Variants in PDE10A observed in about 807,000 individuals in gnomAD.
The protein encoded by PDE10A is phosphodiesterase 10A, also known as cAMP and cAMP-inhibited cGMP 3',5'-cyclic phosphodiesterase 10A.
Under a neutral mutation model 97.7 loss-of-function variants are expected in PDE10A, and 39 were observed. The ratio of observed to expected loss-of-function variants is 0.40; its 90% CI spans 0.31 to 0.52. The LOEUF (loss-of-function observed/expected upper bound fraction) is 0.52. Ranked by LOEUF, PDE10A falls within the 20% of genes least tolerant of loss-of-function variation. The pLI, the probability that PDE10A is intolerant of heterozygous loss-of-function variation, is 0.56. For synonymous variants in PDE10A, 371 were observed against 376.8 expected (o/e 0.98, Z 0.18); for missense variants, 731 against 1,047.8 (o/e 0.70, Z 4.17).
At chr6:165,772,557 C>A (rs1442416963) in intron 1 of PDE10A, among the ~76,000 whole-genome samples, 1 of 152,210 alleles carries the variant, frequency 6.6e-6, no homozygotes, top group Admixed American at 6.5e-5. Context: ...GCCAGTTGCC[C>A]AACCTGGGCT....
At chr6:165,923,189 C>T (rs976198782) in intron 1 of PDE10A, among the ~76,000 whole-genome samples, 1 of 152,214 alleles carries the variant, frequency 6.6e-6, no homozygotes, top group African/African-American at 2.4e-5. Flanking sequence ...CACGATGTGT[C>T]TTTTTACATG....
chr6:165,963,457 C>T (rs1308473355), intron 1 of PDE10A, among the ~76,000 whole-genome samples: 2 of 152,182 alleles, frequency 1.3e-5, no homozygotes, highest in Admixed American at 1.3e-4. Flanking sequence ...GGAGGGAATG[C>T]CTGCTGTGCG....
chr6:165,664,477 G>A (rs1790445897), upstream of PDE10A, among the ~76,000 whole-genome samples: 2 of 152,216 alleles, frequency 1.3e-5, no homozygotes, highest in African/African-American at 4.8e-5. Context: ...TTGCCGGGCA[G>A]ATTCTGAGTG....
chr6:165,743,428 G>A (rs1440080026), intron 1 of PDE10A, among the ~76,000 whole-genome samples: 2 of 152,016 alleles, frequency 1.3e-5, no homozygotes, highest in East Asian at 1.9e-4. Flanking sequence ...TTTTAATGTC[G>A]AAAAACTTTG....
intron 1 of PDE10A, among the ~76,000 whole-genome samples, chr6:165,791,633 G>A (rs1048539819): frequency 1.3e-5 from 2 of 152,152 alleles, no homozygotes; most frequent in African/African-American, 2.4e-5. Flanking sequence ...TAGGAGACAC[G>A]GCTCGTTTCT....
At chr6:165,370,516 C>T (rs1434227121) in intron 18 of PDE10A, among the ~76,000 whole-genome samples, 1 of 148,740 alleles carries the variant, frequency 6.7e-6, no homozygotes, top group African/African-American at 2.5e-5. Context: ...ATCAATTCAA[C>T]AAGAAGAGCT....
intron 1 of PDE10A, among the ~76,000 whole-genome samples, chr6:165,798,003 TA>T (rs961115686): frequency 1.3e-5 from 2 of 152,240 alleles, no homozygotes; most frequent in African/African-American, 4.8e-5. Flanking sequence ...TAAAGGTTTA[TA>T]AAGTTAGTAA....
At chr6:165,749,051 A>T (rs375484561) in intron 1 of PDE10A, among the ~76,000 whole-genome samples, 52 of 152,154 alleles carry the variant, frequency 3.4e-4, no homozygotes, top group African/African-American at 1.3e-3. Context: ...CTAATCTCTC[A>T]TCTCTTTTAG....
At chr6:165,361,904 T>G (rs2128193438) in intron 18 of PDE10A, among the ~76,000 whole-genome samples, 1 of 152,318 alleles carries the variant, frequency 6.6e-6, no homozygotes, top group African/African-American at 2.4e-5. Context: ...TGTGGTATAC[T>G]TTGTTAACAG....
rs372940750 is a variant in PDE10A at position 165,651,441 on chromosome 6, G to C, written c.865+10506C>G. 1.0e-3 allele frequency among the ~76,000 whole-genome samples: 159 copies of C among 152,282 alleles called. 1 individual carries two copies. The highest frequency in any genetic ancestry group is 3.8e-3 in the African/African-American group (156 of 41,562). ...CTATGCTGTGATAGGAGCTTTAAGTGTTTTCTCTAGGGCCACAATTCAAGA... is the reference window on the plus strand; with the variant it reads ...CTATGCTGTGATAGGAGCTTTAAGTCTTTTCTCTAGGGCCACAATTCAAGA... On this transcript the variant is annotated intron_variant, in intron 1 of 21. Coordinates refer to ENST00000539869, the MANE Select transcript of PDE10A (RefSeq NM_001385079.1).
intron 12 of PDE10A, among the ~76,000 whole-genome samples, chr6:165,415,936 C>T (rs1029460791): frequency 3.9e-5 from 6 of 152,168 alleles, no homozygotes; most frequent in African/African-American, 7.2e-5. Context: ...TTAAAACTAC[C>T]GCCTATCAGT....
intron 1 of PDE10A, chr6:165,940,733 C>G (rs1783491423): frequency 6.6e-6 from 1 of 152,248 alleles, no homozygotes; most frequent in South Asian, 2.1e-4. Flanking sequence ...CCTGCGCCTT[C>G]CAGCCGCAGC....
At position 165,517,633 on chromosome 6, in the gene PDE10A, C is replaced by T. The variant is rs1019546652; in HGVS notation, c.994+25807G>A. ...AACTCGGATGAATCTCAAAAAGGCT[C>T]GACACTGCATGATGTCATTCACACG... On this transcript the variant is annotated intron_variant, in intron 2 of 21. Coordinates refer to ENST00000539869, the MANE Select transcript of PDE10A (RefSeq NM_001385079.1). 4.6e-5 allele frequency among the ~76,000 whole-genome samples: 7 copies of T among 152,050 alleles called. No individual in the cohort carries two copies. In the East Asian group the frequency reaches 7.7e-4, roughly 17 times the overall value.
chr6:165,712,708 C>T (rs1481075775), intron 1 of PDE10A, among the ~76,000 whole-genome samples: 3 of 141,698 alleles, frequency 2.1e-5, no homozygotes, highest in Non-Finnish European at 4.5e-5. Flanking sequence ...GGCGCGATCT[C>T]GGCTCACTGC....
chr6:165,578,343 C>T (rs1007233014), intron 1 of PDE10A, among the ~76,000 whole-genome samples: 3 of 152,180 alleles, frequency 2.0e-5, no homozygotes. Context: ...CCTACCCTCC[C>T]TGCAAGAATC....
At position 165,553,546 on chromosome 6, in the gene PDE10A, A is replaced by G. The variant is rs144858875; in HGVS notation, c.866-9978T>C. Among the ~76,000 whole-genome samples, 1,327 of 152,338 alleles carry G rather than the reference A, an allele frequency of 8.7e-3. 14 individuals carry two copies. Among genetic ancestry groups the G allele is most frequent in the Middle Eastern group, 0.024 (7 of 294 alleles). On this transcript the variant is annotated intron_variant, in intron 1 of 21. Coordinates refer to ENST00000539869, the MANE Select transcript of PDE10A (RefSeq NM_001385079.1). Reference sequence around the variant, plus strand: ...CTGAAAGAGAATTGGTCTATGACCTAGAAAGCAGTCATTTAATGAGCCTTG... The same window carrying G: ...CTGAAAGAGAATTGGTCTATGACCTGGAAAGCAGTCATTTAATGAGCCTTG...
intron 1 of PDE10A, among the ~76,000 whole-genome samples, chr6:165,983,814 G>T (rs1785093874): frequency 6.6e-6 from 1 of 152,216 alleles, no homozygotes. Context: ...GAGAGGCAGA[G>T]AAAATGCAGT....
At chr6:165,374,812 G>A (rs1484859734) in intron 18 of PDE10A, among the ~76,000 whole-genome samples, 6 of 148,776 alleles carry the variant, frequency 4.0e-5, no homozygotes, top group African/African-American at 1.0e-4. Flanking sequence ...CAGCAATATC[G>A]GCAGCATTTT....
intron 1 of PDE10A, among the ~76,000 whole-genome samples, chr6:165,547,849 T>C (rs548561044): frequency 6.6e-6 from 1 of 152,346 alleles, no homozygotes; most frequent in South Asian, 2.1e-4. Flanking sequence ...AGGCTACTTT[T>C]CTTCTGTCTT....
Sources: gnomAD v4.1 joint callset for allele counts (sites outside exome capture counted in the v4.1 genomes callset) on GRCh38, gnomAD v4.1.1 for gene constraint, MANE v1.5 for transcripts, NCBI Gene and HGNC (gene_info 2026-07-23, HGNC 2026-07-21) for gene names.